The following NPFFR2 variants were observed in gnomAD, a reference collection of about 807,000 sequenced individuals.
NPFFR2 encodes neuropeptide FF receptor 2, also known as G-protein coupled receptor 74.
In NPFFR2, 15 loss-of-function variants were observed where a neutral mutation model predicts 13.1. That is an observed-to-expected ratio of 1.15 (90% confidence interval 0.77 to 1.76). The LOEUF is 1.76. NPFFR2 is among the 40% of genes most tolerant of loss of function. The pLI is 0.00. For synonymous variants in NPFFR2, 190 were observed against 175.7 expected (o/e 1.08, Z -0.65); for missense variants, 572 against 503.5 (o/e 1.14, Z -1.30).
intron 1 of NPFFR2, among the ~76,000 whole-genome samples, chr4:72,106,801 A>G (rs879542123): frequency 6.6e-6 from 1 of 152,016 alleles, no homozygotes; most frequent in Non-Finnish European, 1.5e-5. Context: ...ATTCATTACT[A>G]TACCATTTTT....
intron 1 of NPFFR2, among the ~76,000 whole-genome samples, chr4:72,119,621 A>G (rs1721809483): frequency 6.6e-6 from 1 of 152,272 alleles, no homozygotes; most frequent in African/African-American, 2.4e-5. Context: ...GGTGCAGCCC[A>G]CGGAGGGTGA....
In NPFFR2 at chr4:72,032,119, G is replaced by A. The variant is rs201021581; in HGVS notation, c.-89G>A. The A allele has an allele frequency of 5.4e-4, 869 of 1,614,148 alleles. 8 individuals carry two copies. The highest frequency in any genetic ancestry group is 3.0e-3 in the Middle Eastern group (18 of 6,056). ...CGGCAGACTGCGAAAAGTAGCTGGA[G>A]CCGGAGCAGGGACAGAACCTGTTGC... On this transcript the variant is annotated 5_prime_UTR_variant, in exon 1 of 4. Coordinates refer to ENST00000308744, the MANE Select transcript of NPFFR2 (RefSeq NM_004885.3).
chr4:72,099,685 C>T (rs528575071), intron 1 of NPFFR2, among the ~76,000 whole-genome samples: 15 of 152,072 alleles, frequency 9.9e-5, no homozygotes, highest in Non-Finnish European at 1.6e-4. Flanking sequence ...ACCCCAACAC[C>T]GCCCATCAGT....
At chr4:72,111,576 C>T (rs1021537379) in intron 1 of NPFFR2, among the ~76,000 whole-genome samples, 6 of 151,922 alleles carry the variant, frequency 3.9e-5, no homozygotes, top group African/African-American at 1.4e-4. Flanking sequence ...TCAAGTATTC[C>T]CTTAATCAGG....
At chr4:72,133,080 C>A (rs1722302390) in intron 2 of NPFFR2, among the ~76,000 whole-genome samples, 1 of 152,022 alleles carries the variant, frequency 6.6e-6, no homozygotes, top group African/African-American at 2.4e-5. Flanking sequence ...TTTGCCTGTT[C>A]CTATGTCCAG....
At chr4:72,034,941 A>C (rs1333673626) in intron 1 of NPFFR2, among the ~76,000 whole-genome samples, 1 of 152,236 alleles carries the variant, frequency 6.6e-6, no homozygotes, top group Non-Finnish European at 1.5e-5. Flanking sequence ...AAGTAAAGAA[A>C]TTAGGTTTCT....
chr4:72,106,596 G>A lies in NPFFR2; in HGVS notation c.-7-21989G>A, dbSNP rs150579221. 2.4e-4 allele frequency among the ~76,000 whole-genome samples: 37 copies of A among 152,022 alleles called. 2 individuals are homozygous for A. The highest frequency in any genetic ancestry group is 8.4e-4 in the African/African-American group (35 of 41,472). On this transcript the variant is annotated intron_variant, in intron 1 of 3. Transcript: ENST00000308744. ...TCCCAGGAACACCTCATGACAACCC[G>A]AAAAAGAGAAGTAGGACTTTCCCTG...
chr4:72,117,784 A>C (rs1488777961), intron 1 of NPFFR2, among the ~76,000 whole-genome samples: 2 of 152,222 alleles, frequency 1.3e-5, no homozygotes, highest in African/African-American at 2.4e-5. Flanking sequence ...GAATCCAATA[A>C]TGAAAGAAAA....
At chr4:72,092,296 T>A (rs893358519) in intron 1 of NPFFR2, among the ~76,000 whole-genome samples, 1 of 152,102 alleles carries the variant, frequency 6.6e-6, no homozygotes, top group African/African-American at 2.4e-5. Context: ...TGCTGATGAA[T>A]AGAATGTATA....
At position 72,147,465 on chromosome 4, in the gene NPFFR2, G is replaced by C; in HGVS notation, c.916G>C (p.Glu306Gln). ...LSDYADLSPNELQIINIYIYP... is the reference protein window; with the variant it reads ...LSDYADLSPNQLQIINIYIYP... The stretch of plus-strand genomic sequence containing the variant: ...AGACTACGCTGACCTTTCTCCAAAT[G>C]AACTGCAGATCATCAACATCTACAT... Residue 306 changes from glutamate to glutamine, a missense_variant, in exon 4 of 4, where the codon GAA becomes CAA. Coordinates refer to ENST00000308744, the MANE Select transcript of NPFFR2 (RefSeq NM_004885.3). The C allele has an allele frequency of 6.2e-7, 1 of 1,614,118 alleles. No homozygotes were observed. The highest frequency in any genetic ancestry group is 8.5e-7 in the Non-Finnish European group (1 of 1,180,016).
chr4:72,106,519 AG>A (rs1025156363), intron 1 of NPFFR2, among the ~76,000 whole-genome samples: 78 of 152,042 alleles, frequency 5.1e-4, no homozygotes, highest in African/African-American at 1.8e-3. Context: ...GTATCTCCAA[AG>A]AGCTATAATA....
In NPFFR2 at chr4:72,127,355, C is replaced by CTTTTTTTTTT. The variant is rs1341571145; in HGVS notation, c.-7-1226_-7-1225insTTTTTTTTTT. On this transcript the variant is annotated intron_variant, in intron 1 of 3. Transcript: ENST00000308744. ...AAGTCATACAGATTCTAAATAATTT[C>CTTTTTTTTTT]TTTTCTTTTTTTTTTTTTTTTTTTT... Among the ~76,000 whole-genome samples, 40 of 91,200 alleles carry CTTTTTTTTTT rather than the reference C, an allele frequency of 4.4e-4. 2 individuals are homozygous for CTTTTTTTTTT. Among genetic ancestry groups the CTTTTTTTTTT allele is most frequent in the African/African-American group, 1.4e-3 (31 of 21,712 alleles). 59.8% of individuals were successfully genotyped at this position (91,200 alleles called of 152,430 possible). A position where few individuals can be genotyped will look rare whatever the true frequency, so the allele number is the denominator to read the frequency against.
At chr4:72,100,769 T>A (rs932175439) in intron 1 of NPFFR2, among the ~76,000 whole-genome samples, 2 of 152,074 alleles carry the variant, frequency 1.3e-5, no homozygotes, top group Non-Finnish European at 2.9e-5. Flanking sequence ...AACACAGTGG[T>A]AATAACATAA....
intron 1 of NPFFR2, among the ~76,000 whole-genome samples, chr4:72,107,859 A>T (rs1721460536): frequency 6.6e-6 from 1 of 152,030 alleles, no homozygotes; most frequent in South Asian, 2.1e-4. Flanking sequence ...ATAGACTAAA[A>T]TATTATTTAT....
chr4:72,084,922 C>G (rs1237378220), intron 1 of NPFFR2, among the ~76,000 whole-genome samples: 2 of 152,128 alleles, frequency 1.3e-5, no homozygotes, highest in Non-Finnish European at 2.9e-5. Context: ...TTCACTCACT[C>G]TTGCTTCCTG....
At chr4:72,141,136 G>C (rs534277762) in intron 3 of NPFFR2, among the ~76,000 whole-genome samples, 92 of 151,720 alleles carry the variant, frequency 6.1e-4, no homozygotes, top group African/African-American at 2.2e-3. Flanking sequence ...GCGTCTATTT[G>C]ATTCTTCTCT....
At chr4:72,097,672 C>G (rs1721109501) in intron 1 of NPFFR2, among the ~76,000 whole-genome samples, 1 of 152,106 alleles carries the variant, frequency 6.6e-6, no homozygotes, top group Non-Finnish European at 1.5e-5. Flanking sequence ...AGAAAAATCA[C>G]ATCTGTAAAC....
At chr4:72,056,361 T>A (rs554772990) in intron 1 of NPFFR2, among the ~76,000 whole-genome samples, 10 of 152,134 alleles carry the variant, frequency 6.6e-5, no homozygotes, top group Admixed American at 3.9e-4. Context: ...CATGGTGTAC[T>A]CTATACTTTC....
At chr4:72,142,103 AT>A (rs1362600531) in intron 3 of NPFFR2, among the ~76,000 whole-genome samples, 1 of 151,492 alleles carries the variant, frequency 6.6e-6, no homozygotes, top group African/African-American at 2.4e-5. Flanking sequence ...TTTGCTTTCC[AT>A]TTACTTGGTA....
Sources: gnomAD v4.1 joint callset for allele counts (sites outside exome capture counted in the v4.1 genomes callset) on GRCh38, gnomAD v4.1.1 for gene constraint, MANE v1.5 for transcripts, NCBI Gene and HGNC (gene_info 2026-07-23, HGNC 2026-07-21) for gene names.